Variants in PROS1 observed in about 807,000 individuals in gnomAD.
PROS1 encodes the protein protein S, also known as vitamin K-dependent protein S.
PROS1 carries 29 observed loss-of-function variants against 75.9 expected under a neutral mutation model. The observed-to-expected ratio is 0.38, with a 90% CI of 0.28 to 0.52. PROS1 has a LOEUF of 0.52. Ranked by LOEUF, PROS1 falls within the 20% of genes least tolerant of loss-of-function variation. PROS1 has a pLI of 0.83. For synonymous variants in PROS1, 245 were observed against 280.6 expected (o/e 0.87, Z 1.27); for missense variants, 680 against 810.3 (o/e 0.84, Z 1.95).
chr3:93,969,701 G>A lies in PROS1; in HGVS notation c.76+3973C>T, dbSNP rs530419937. Among the ~76,000 whole-genome samples the A allele has an allele frequency of 1.3e-4, 20 of 152,264 alleles. No individual in the cohort carries two copies. The East Asian group carries it at 2.3e-3, about 18-fold the overall frequency. On this transcript the variant is annotated intron_variant, in intron 1 of 14. Coordinates refer to ENST00000394236, the MANE Select transcript of PROS1 (RefSeq NM_000313.4). Reference sequence around the variant, plus strand: ...CTGTAGGCCTGGCTTCTGTAGGCCTGGCTGTTCAGCTAGCCATTCAGTAGC... The same window carrying A: ...CTGTAGGCCTGGCTTCTGTAGGCCTAGCTGTTCAGCTAGCCATTCAGTAGC...
chr3:93,905,994 C>T (rs759569494), intron 5 of PROS1, 27 bp downstream of exon 5: 47 of 1,613,834 alleles, frequency 2.9e-5, no homozygotes, highest in Non-Finnish European at 3.8e-5. Context: ...TCCTGATGAG[C>T]TGGGGGGCGG....
chr3:93,895,031 T>C (rs1708480729), intron 9 of PROS1, among the ~76,000 whole-genome samples: 1 of 152,138 alleles, frequency 6.6e-6, no homozygotes, highest in Non-Finnish European at 1.5e-5. Flanking sequence ...GATGCTCAAG[T>C]CCCTTATATA....
At chr3:93,949,204 G>A (rs1444263015) in intron 1 of PROS1, among the ~76,000 whole-genome samples, 1 of 152,146 alleles carries the variant, frequency 6.6e-6, no homozygotes, top group Non-Finnish European at 1.5e-5. Context: ...GACAATATTA[G>A]GCAGTGCCAC....
intron 1 of PROS1, among the ~76,000 whole-genome samples, chr3:93,927,981 ATGTGTGTGTGTG>A (rs200688344): frequency 6.8e-5 from 5 of 73,238 alleles, no homozygotes; most frequent in East Asian, 3.6e-4. Context: ...GTGTATATAT[ATGTGTGTGTGTG>A]TATATATATA....
chr3:93,892,909 T>C, intron 10 of PROS1, 24 bp downstream of exon 10: 1 of 1,595,388 alleles, frequency 6.3e-7, no homozygotes, highest in Non-Finnish European at 8.6e-7. Context: ...AGTGGGAAGA[T>C]ATTGATGAAA....
intron 1 of PROS1, among the ~76,000 whole-genome samples, chr3:93,942,985 G>A (rs1042494569): frequency 1.6e-4 from 24 of 152,160 alleles, no homozygotes; most frequent in Non-Finnish European, 3.1e-4. Flanking sequence ...GATGGGTAAA[G>A]GCCTTTCCCT....
intron 3 of PROS1, 131 bp downstream of exon 3, chr3:93,924,109 T>C (rs547000218): frequency 1.8e-6 from 1 of 555,586 alleles, no homozygotes; most frequent in African/African-American, 1.9e-5. Context: ...AAATTGCATA[T>C]AAAATGAAAC....
In PROS1 at chr3:93,887,658, T is replaced by G. The variant is rs575657957; in HGVS notation, c.1156-1155A>C. ...AGCCAATTAGCAGCATGTGAACAAC[T>G]ATTCTCTCCTTTACAGACTTTCTTA... On this transcript the variant is annotated intron_variant, in intron 10 of 14. Coordinates refer to ENST00000394236, the MANE Select transcript of PROS1 (RefSeq NM_000313.4). Among the ~76,000 whole-genome samples the G allele has an allele frequency of 2.0e-5, 3 of 152,330 alleles. No individual in the cohort carries two copies. In the East Asian group the frequency reaches 5.8e-4, roughly 29 times the overall value.
chr3:93,973,379 G>C (rs1385378352), intron 1 of PROS1, among the ~76,000 whole-genome samples: 1 of 152,110 alleles, frequency 6.6e-6, no homozygotes, highest in Admixed American at 6.5e-5. Context: ...GGGAACTTCA[G>C]CTTTGAAGGG....
intron 1 of PROS1, among the ~76,000 whole-genome samples, chr3:93,961,286 C>T (rs1037798326): frequency 2.0e-5 from 3 of 152,160 alleles, no homozygotes; most frequent in African/African-American, 4.8e-5. Flanking sequence ...GGCTGGAATC[C>T]CCTAGATTTT....
intron 3 of PROS1, among the ~76,000 whole-genome samples, chr3:93,922,032 G>A (rs1708949560): frequency 6.6e-6 from 1 of 152,084 alleles, no homozygotes; most frequent in African/African-American, 2.4e-5. Context: ...TTGTCAGTTA[G>A]AACCCAATCC....
In PROS1 at chr3:93,886,337, G is replaced by A. The variant is rs375465427; in HGVS notation, c.1322C>T (p.Pro441Leu). 2.5e-5 allele frequency: 41 copies of A among 1,612,700 alleles called. No individual in the cohort carries two copies. The highest frequency in any genetic ancestry group is 1.7e-4 in the Middle Eastern group (1 of 6,048). The change falls in exon 11 of 15, where the codon CCG (proline) becomes CTG (leucine). Residue 441 changes from proline (P) to leucine (L), a missense_variant and splice_region_variant. Pro to Leu is a moderately conservative substitution (Grantham distance 98). Coordinates refer to ENST00000394236, the MANE Select transcript of PROS1 (RefSeq NM_000313.4). ...PRKVESELIK[P>L]INPRLDGCIR... ...AATGATACAAGCTTGGATCATTACC[G>A]GTTTAATGAGTTCACTTTCCACTTT... is the stretch of plus-strand genomic sequence containing the variant.
chr3:93,902,177 T>G (rs1355838905), intron 6 of PROS1, among the ~76,000 whole-genome samples: 5 of 152,022 alleles, frequency 3.3e-5, no homozygotes, highest in African/African-American at 1.2e-4. Flanking sequence ...AGTGGTGGCA[T>G]GTGTTCTTGT....
At chr3:93,908,791 G>T (rs1470503643) in intron 4 of PROS1, among the ~76,000 whole-genome samples, 1 of 152,188 alleles carries the variant, frequency 6.6e-6, no homozygotes, top group East Asian at 1.9e-4. Flanking sequence ...AACCTCAAAA[G>T]ATTTGTTTTT....
intron 11 of PROS1, 142 bp downstream of exon 11, chr3:93,886,194 T>C: frequency 1.4e-6 from 1 of 701,098 alleles, no homozygotes; most frequent in Non-Finnish European, 2.5e-6. Context: ...ACTAATGTTA[T>C]TTTTCCATGA....
intron 1 of PROS1, among the ~76,000 whole-genome samples, chr3:93,956,516 C>G (rs1374933598): frequency 7.2e-6 from 1 of 138,520 alleles, no homozygotes; most frequent in African/African-American, 2.8e-5. Context: ...CTCTCTGTCT[C>G]TCTCTCTCTC....
intron 4 of PROS1, among the ~76,000 whole-genome samples, chr3:93,909,185 C>A (rs1708718384): frequency 6.6e-6 from 1 of 152,034 alleles, no homozygotes. Context: ...TGCCTGTAAT[C>A]CTAGCACTTT....
At chr3:93,928,011 A>ATATATTTTTT (rs1235149837) in intron 1 of PROS1, among the ~76,000 whole-genome samples, 1 of 44,468 alleles carries the variant, frequency 2.2e-5, no homozygotes, top group African/African-American at 9.2e-5. Context: ...ATATATATAT[A>ATATATTTTTT]TTTTTTTTTT....
At chr3:93,961,718 T>C (rs1709707455) in intron 1 of PROS1, among the ~76,000 whole-genome samples, 1 of 152,258 alleles carries the variant, frequency 6.6e-6, no homozygotes, top group Non-Finnish European at 1.5e-5. Context: ...TAATTTTTAA[T>C]CAGGCTGAAT....
Sources: gnomAD v4.1 joint callset for allele counts (sites outside exome capture counted in the v4.1 genomes callset) on GRCh38, gnomAD v4.1.1 for gene constraint, MANE v1.5 for transcripts, NCBI Gene and HGNC (gene_info 2026-07-23, HGNC 2026-07-21) for gene names.